Variants in ATRNL1 observed in about 807,000 individuals in gnomAD.
ATRNL1 encodes the protein attractin like 1, also known as attractin-like protein 1.
A neutral mutation model predicts 182.7 loss-of-function variants in ATRNL1; 95 were observed. That is an observed-to-expected ratio of 0.52 (90% CI 0.44 to 0.62). The LOEUF (loss-of-function observed/expected upper bound fraction) is 0.62. ATRNL1 is among the 20% of genes least tolerant of loss of function. The pLI, the probability that ATRNL1 is intolerant of heterozygous loss-of-function variation, is 0.00. For synonymous variants in ATRNL1, 576 were observed against 568.3 expected, an observed-to-expected ratio of 1.01 and a Z score of -0.19; for missense variants, 1,471 against 1,679.5, an observed-to-expected ratio of 0.88 and a Z score of 2.17.
chr10:115,133,765 C>T (rs1375860888), intron 5 of ATRNL1, among the ~76,000 whole-genome samples: 14 of 152,194 alleles, frequency 9.2e-5, no homozygotes, highest in African/African-American at 3.4e-4. Context: ...CACCACATTG[C>T]ACTTATTCCA....
intron 17 of ATRNL1, among the ~76,000 whole-genome samples, chr10:115,314,789 T>C (rs1376909796): frequency 6.6e-6 from 1 of 152,118 alleles, no homozygotes; most frequent in Non-Finnish European, 1.5e-5. Context: ...GTCTCATAGG[T>C]TATACCTGAA....
rs79757723 is a variant in ATRNL1, at chr10:115,538,147, G to A, written c.3717-11311G>A. Among the ~76,000 whole-genome samples the A allele has an allele frequency of 1.2e-3, 183 of 152,276 alleles. 3 individuals carry two copies. The East Asian group carries it at 0.035, about 29-fold the overall frequency. On this transcript the variant is annotated intron_variant, in intron 25 of 28. Transcript: ENST00000355044. ...ACAGTTTTTGGTACTTATAAATAATGCTGCTGTGATCAACATACATACAAG... is the reference window on the plus strand; with the variant it reads ...ACAGTTTTTGGTACTTATAAATAATACTGCTGTGATCAACATACATACAAG...
chr10:115,126,642 T>A (rs2143679097), intron 3 of ATRNL1, among the ~76,000 whole-genome samples: 1 of 152,338 alleles, frequency 6.6e-6, no homozygotes, highest in South Asian at 2.1e-4. Flanking sequence ...GAATGTATTT[T>A]CTAAATCAAT....
chr10:115,412,996 T>C (rs660317), intron 20 of ATRNL1, among the ~76,000 whole-genome samples: 56,198 of 152,036 alleles, frequency 0.37, 11,283 homozygotes, highest in African/African-American at 0.53. Flanking sequence ...CCAGATCATA[T>C]TATTATTAGG....
chr10:115,285,791 G>C (rs782161743), intron 14 of ATRNL1, among the ~76,000 whole-genome samples: 9 of 151,990 alleles, frequency 5.9e-5, no homozygotes, highest in Non-Finnish European at 1.3e-4. Flanking sequence ...AGATTTAGAG[G>C]TCAATTAGCT....
chr10:115,265,259 C>G lies in ATRNL1; in HGVS notation c.1754C>G (p.Ser585Cys), dbSNP rs1554910192. The part of the protein sequence containing the change: ...LHRDVNRFGH[S>C]AVVINGSMYI... The stretch of plus-strand genomic sequence containing the variant: ...AGAGATGTCAACAGATTTGGACACT[C>G]TGCAGTAGTCATTAACGGGTAAAAG... Residue 585 changes from serine (S) to cysteine (C), a missense_variant, in exon 11 of 29, where the codon TCT becomes TGT. Physicochemically the swap from Ser to Cys is moderately radical, Grantham distance 112. Around this residue, in one of 3 missense-constraint regions of ATRNL1, gnomAD observed 1,031 missense variants for 1,156.0 expected, o/e 0.89. Transcript: ENST00000355044. 2.5e-6 allele frequency: 4 copies of G among 1,603,196 alleles called. No individual in the cohort carries two copies. The highest frequency in any genetic ancestry group is 1.3e-5 in the African/African-American group (1 of 74,592).
intron 9 of ATRNL1, among the ~76,000 whole-genome samples, chr10:115,234,916 T>C (rs76756830): frequency 1.2e-3 from 187 of 152,316 alleles, no homozygotes; most frequent in African/African-American, 4.2e-3. Flanking sequence ...TGTTCACATA[T>C]GTGATTGGCC....
intron 18 of ATRNL1, among the ~76,000 whole-genome samples, chr10:115,329,763 A>G (rs1189334466): frequency 1.3e-5 from 2 of 152,152 alleles, no homozygotes; most frequent in African/African-American, 4.8e-5. Flanking sequence ...GTCTATGCAC[A>G]TTCTTAAAGG....
chr10:115,676,032 T>C (rs192762407), intron 26 of ATRNL1, among the ~76,000 whole-genome samples: 4 of 152,084 alleles, frequency 2.6e-5, no homozygotes, highest in Admixed American at 2.6e-4. Flanking sequence ...TGCAAATCAA[T>C]CTATCTGGAA....
chr10:115,137,024 TA>T (rs1224085722), intron 5 of ATRNL1, among the ~76,000 whole-genome samples: 2 of 152,190 alleles, frequency 1.3e-5, no homozygotes, highest in Non-Finnish European at 2.9e-5. Flanking sequence ...TGTTCATGTG[TA>T]AAGAACACAA....
intron 5 of ATRNL1, among the ~76,000 whole-genome samples, chr10:115,153,690 T>G (rs146397661): frequency 0.011 from 1,707 of 152,202 alleles, 28 homozygotes; most frequent in African/African-American, 0.038. Flanking sequence ...ATTGATTTTT[T>G]TGAAGGGTTT....
chr10:115,372,934 A>G (rs1417287909), intron 19 of ATRNL1, among the ~76,000 whole-genome samples: 1 of 152,142 alleles, frequency 6.6e-6, no homozygotes, highest in African/African-American at 2.4e-5. Context: ...TAGGGATTGC[A>G]TTATACCAGT....
chr10:115,873,915 G>T (rs1346045682), intron 28 of ATRNL1, among the ~76,000 whole-genome samples: 1 of 152,160 alleles, frequency 6.6e-6, no homozygotes, highest in Non-Finnish European at 1.5e-5. Context: ...TCAGTTAAAG[G>T]TGTTGATCCA....
intron 26 of ATRNL1, among the ~76,000 whole-genome samples, chr10:115,692,913 T>C (rs1555048639): frequency 6.6e-6 from 1 of 152,044 alleles, no homozygotes; most frequent in Non-Finnish European, 1.5e-5. Flanking sequence ...AGAGTCCTTG[T>C]TTTTTCATAA....
chr10:115,729,296 T>C (rs1947712794), intron 27 of ATRNL1, among the ~76,000 whole-genome samples: 1 of 152,168 alleles, frequency 6.6e-6, no homozygotes, highest in African/African-American at 2.4e-5. Context: ...TTAAAAAATG[T>C]CTAGCCCTAC....
At chr10:115,810,008 T>G (rs1174487771) in intron 27 of ATRNL1, among the ~76,000 whole-genome samples, 2 of 151,908 alleles carry the variant, frequency 1.3e-5, no homozygotes, top group Non-Finnish European at 2.9e-5. Flanking sequence ...GAATGGATAT[T>G]GACTTTTAAC....
rs182059103 is a variant in ATRNL1, at chr10:115,237,694, A to G, written c.1533-3877A>G. Among the ~76,000 whole-genome samples the G allele has an allele frequency of 4.6e-5, 7 of 152,266 alleles. No homozygotes were observed. In the East Asian group the frequency reaches 1.2e-3, roughly 25 times the overall value. On this transcript the variant is annotated intron_variant, in intron 9 of 28. Transcript: ENST00000355044. ...GGCTTGTTGTTTCATTCTCATAACA[A>G]TGTCTTTCACTGAGGAGAGGTTTTT... is the stretch of plus-strand genomic sequence containing the variant.
intron 28 of ATRNL1, among the ~76,000 whole-genome samples, chr10:115,891,486 A>G (rs1244020202): frequency 6.6e-6 from 1 of 152,186 alleles, no homozygotes; most frequent in Non-Finnish European, 1.5e-5. Context: ...CAGTATAGCA[A>G]ATTATATTGT....
At chr10:115,742,088 C>T (rs11818548) in intron 27 of ATRNL1, among the ~76,000 whole-genome samples, 1 of 152,114 alleles carries the variant, frequency 6.6e-6, no homozygotes, top group Non-Finnish European at 1.5e-5. Context: ...GAAGTAATTT[C>T]TATTAAATGG....
Sources: gnomAD v4.1 joint callset for allele counts (sites outside exome capture counted in the v4.1 genomes callset) on GRCh38, gnomAD v4.1.1 for gene constraint, gnomAD v4.1.1 regional missense constraint, MANE v1.5 for transcripts, NCBI Gene and HGNC (gene_info 2026-07-23, HGNC 2026-07-21) for gene names.